Variants in TMEM117 observed in about 807,000 individuals in gnomAD.
The protein encoded by TMEM117 is transmembrane protein 117.
TMEM117 carries 27 observed loss-of-function variants against 52.4 expected under a neutral mutation model. The observed-to-expected ratio is 0.51, with a 90% CI of 0.38 to 0.71. The LOEUF is 0.71. Ranked by LOEUF, TMEM117 falls within the 30% of genes least tolerant of loss-of-function variation. The probability of loss-of-function intolerance (pLI) is 0.00; values close to 1 mark genes in which losing one functional copy is unlikely to be tolerated. For missense variants in TMEM117, 556 were observed against 630.5 expected (o/e 0.88, Z 1.26); for synonymous variants, 215 against 206.3 (o/e 1.04, Z -0.36).
intron 5 of TMEM117, among the ~76,000 whole-genome samples, chr12:44,225,562 A>G (rs962092601): frequency 2.6e-5 from 4 of 152,214 alleles, no homozygotes; most frequent in African/African-American, 9.6e-5. Flanking sequence ...CTAATTTCAC[A>G]CCTACATTAT....
At chr12:44,032,587 T>C (rs909826923) in intron 3 of TMEM117, among the ~76,000 whole-genome samples, 2 of 152,226 alleles carry the variant, frequency 1.3e-5, no homozygotes, top group African/African-American at 4.8e-5. Flanking sequence ...TTTGAGATAA[T>C]TTTACTTATT....
intron 3 of TMEM117, among the ~76,000 whole-genome samples, chr12:44,100,670 T>A (rs1947846038): frequency 6.6e-6 from 1 of 152,062 alleles, no homozygotes. Flanking sequence ...TTGCTTTATC[T>A]TGTTTCTCAT....
intron 2 of TMEM117, among the ~76,000 whole-genome samples, chr12:43,913,357 A>T (rs1484608645): frequency 1.3e-5 from 2 of 152,316 alleles, no homozygotes; most frequent in African/African-American, 4.8e-5. Flanking sequence ...GTAACAAAAA[A>T]GTCATATTGT....
intron 3 of TMEM117, among the ~76,000 whole-genome samples, chr12:44,126,507 T>G (rs1054709750): frequency 2.6e-5 from 4 of 152,226 alleles, no homozygotes; most frequent in Non-Finnish European, 4.4e-5. Flanking sequence ...TCTACCTGTA[T>G]TCATATAATG....
chr12:44,023,575 G>A (rs2137840707), intron 3 of TMEM117, among the ~76,000 whole-genome samples: 1 of 152,222 alleles, frequency 6.6e-6, no homozygotes, highest in East Asian at 1.9e-4. Context: ...CTGATGGCCA[G>A]TGATGATGAG....
intron 6 of TMEM117, among the ~76,000 whole-genome samples, chr12:44,343,086 C>A (rs1275468142): frequency 6.6e-6 from 1 of 151,772 alleles, no homozygotes; most frequent in Non-Finnish European, 1.5e-5. Context: ...CAGGTGCCCA[C>A]CACCATGCCC....
At chr12:44,030,641 T>C (rs1281041696) in intron 3 of TMEM117, among the ~76,000 whole-genome samples, 49 of 152,222 alleles carry the variant, frequency 3.2e-4, no homozygotes, top group Non-Finnish European at 1.3e-4. Flanking sequence ...TAAAGGATTG[T>C]TTTAACCTAT....
chr12:43,948,634 G>T (rs1310423618), intron 3 of TMEM117, among the ~76,000 whole-genome samples: 1 of 152,146 alleles, frequency 6.6e-6, no homozygotes, highest in Non-Finnish European at 1.5e-5. Context: ...AATGTTGAGG[G>T]TTCTGCTGAG....
chr12:43,973,311 T>C (rs1427476356), intron 3 of TMEM117, among the ~76,000 whole-genome samples: 1 of 152,040 alleles, frequency 6.6e-6, no homozygotes, highest in Non-Finnish European at 1.5e-5. Context: ...TTCAGTCGAC[T>C]GAGAAGGAGA....
At chr12:44,006,939 T>C (rs537664298) in intron 3 of TMEM117, among the ~76,000 whole-genome samples, 1 of 152,298 alleles carries the variant, frequency 6.6e-6, no homozygotes, top group African/African-American at 2.4e-5. Context: ...AAGGTCAAGT[T>C]TTACATGGTA....
At chr12:44,330,809 A>G (rs1565722696) in intron 6 of TMEM117, among the ~76,000 whole-genome samples, 1 of 152,094 alleles carries the variant, frequency 6.6e-6, no homozygotes, top group Non-Finnish European at 1.5e-5. Flanking sequence ...CCTCACCAAC[A>G]TCCACACATT....
At chr12:44,188,064 A>G (rs1949301436) in intron 4 of TMEM117, among the ~76,000 whole-genome samples, 1 of 152,124 alleles carries the variant, frequency 6.6e-6, no homozygotes, top group African/African-American at 2.4e-5. Context: ...AATACAATAA[A>G]ATAGTTGTAG....
chr12:44,371,439 T>A (rs1299194920), intron 6 of TMEM117, among the ~76,000 whole-genome samples: 2 of 152,210 alleles, frequency 1.3e-5, no homozygotes, highest in Non-Finnish European at 2.9e-5. Flanking sequence ...AATTTATAGC[T>A]TTTCACTAAA....
chr12:44,201,045 A>T (rs1475265766), intron 4 of TMEM117, among the ~76,000 whole-genome samples: 2 of 152,322 alleles, frequency 1.3e-5, no homozygotes, highest in African/African-American at 4.8e-5. Context: ...GCTACCAAGG[A>T]TGAGAGGAAA....
chr12:44,274,690 A>G (rs990323014), intron 5 of TMEM117, among the ~76,000 whole-genome samples: 12 of 152,138 alleles, frequency 7.9e-5, no homozygotes, highest in African/African-American at 2.7e-4. Flanking sequence ...CGTGCCAGGA[A>G]CATACACGTT....
intron 6 of TMEM117, among the ~76,000 whole-genome samples, chr12:44,357,493 G>C (rs1167865909): frequency 1.3e-5 from 2 of 152,120 alleles, no homozygotes; most frequent in Non-Finnish European, 2.9e-5. Flanking sequence ...GCTTCAGAAA[G>C]TGGAACTACA....
intron 2 of TMEM117, among the ~76,000 whole-genome samples, chr12:43,898,917 A>T (rs1378668909): frequency 6.6e-6 from 1 of 152,192 alleles, no homozygotes; most frequent in Non-Finnish European, 1.5e-5. Context: ...GAACTTCCAG[A>T]TTCTTACTTC....
chr12:44,073,700 A>G (rs1158609757), intron 3 of TMEM117: 2 of 152,194 alleles, frequency 1.3e-5, no homozygotes, highest in Admixed American at 1.3e-4. Flanking sequence ...GTTGGAAGGA[A>G]CTTCTTAGAA....
intron 3 of TMEM117, among the ~76,000 whole-genome samples, chr12:44,034,518 C>G (rs1435136021): frequency 6.6e-6 from 1 of 152,106 alleles, no homozygotes; most frequent in East Asian, 1.9e-4. Flanking sequence ...GGTGATTACT[C>G]CTAAAGTCAT....
Sources: allele counts gnomAD v4.1 joint callset (sites outside exome capture counted in the v4.1 genomes callset), GRCh38; gene constraint gnomAD v4.1.1; transcripts MANE v1.5; gene names NCBI Gene and HGNC (gene_info 2026-07-23, HGNC 2026-07-21).